The following CHD3 variants were observed in gnomAD, a reference collection of about 807,000 sequenced individuals.
CHD3 encodes ATP-dependent chromatin remodeler CHD3.
A neutral mutation model predicts 248.9 loss-of-function variants in CHD3; 52 were observed. The observed-to-expected ratio is 0.21, with a 90% CI of 0.17 to 0.26. The LOEUF is 0.26. Among genes scored for constraint, CHD3 ranks in the 10% least tolerant of loss-of-function variants. The pLI is 1.00. For missense variants in CHD3, 1,482 were observed against 2,605.8 expected (o/e 0.57, Z 9.39); for synonymous variants, 985 against 985.2 (o/e 1.00, Z 0.00).
rs749042862 is a variant in CHD3 at position 7,911,483 on chromosome 17, A to G, written c.5901A>G (p.Pro1967=). Residue 1967 remains proline, a synonymous_variant, in exon 40 of 40, where the codon CCA becomes CCG. Coordinates refer to ENST00000330494, the MANE Select transcript of CHD3 (RefSeq NM_001005273.3). This position sits in a 1 kb window ranked among gnomAD's most constrained non-coding sequence, Gnocchi z 5.4. ...AAACAGCCGCCACCAACGGCCCTCC[A>G]GTGCTTGTGAAGAAGGAGAAGGAAA... The part of the protein sequence containing the change: ...SFITAATNGP[P]VLVKKEKEMV... 1.4e-5 allele frequency: 22 copies of G among 1,614,040 alleles called. 1 individual carries two copies. Among genetic ancestry groups the G allele is most frequent in the Middle Eastern group, 3.3e-4 (2 of 6,084 alleles).
chr17:7,901,038 A>G lies in CHD3; in HGVS notation c.3120+45A>G, dbSNP rs751571495. ...AGCTGATCGAACGCCCATTCTCAGA[A>G]AACATGGGTGGGGAGTAGTGGGGAG... On this transcript the variant is annotated intron_variant, in intron 19 of 39. Coordinates refer to ENST00000330494, the MANE Select transcript of CHD3 (RefSeq NM_001005273.3). 5.4e-5 allele frequency: 86 copies of G among 1,597,060 alleles called. 2 individuals carry two copies. The South Asian group carries it at 9.3e-4, about 17-fold the overall frequency.
chr17:7,910,928 G>A lies in CHD3; in HGVS notation c.5836G>A (p.Ala1946Thr), dbSNP rs754341443. 36 of 1,613,600 alleles carry A rather than the reference G, an allele frequency of 2.2e-5. No homozygotes were observed. Among genetic ancestry groups the A allele is most frequent in the Middle Eastern group, 1.7e-4 (1 of 6,058 alleles). ...CGCACCCGTAGGGGCCCTGGCCGCCGCAGGCGCCAATTACAGCCAGATGCC... is the reference window on the plus strand; with the variant it reads ...CGCACCCGTAGGGGCCCTGGCCGCCACAGGCGCCAATTACAGCCAGATGCC... Reference protein sequence around the residue: ...SAAPVGALAAAGANYSQMPAG... With the variant: ...SAAPVGALAATGANYSQMPAG... Residue 1946 changes from alanine to threonine, a missense_variant, in exon 39 of 40, where the codon GCA becomes ACA. Ala to Thr is a moderately conservative substitution (Grantham distance 58). Transcript: ENST00000330494. The surrounding 1 kb of genome is among the most constrained non-coding windows in gnomAD (Gnocchi z 4.7).
Position 7,907,350 on chromosome 17 carries a change from CAG to C in CHD3, c.4789-2_4789-1del, listed in dbSNP as rs1465542642. ...TCATCCTGACCCCATTGTCCTCTTC[CAG>C]GCTGATGCCCCCAGCCCAGCCCCAT... On this transcript the variant is annotated splice_acceptor_variant, in intron 31 of 39. Transcript: ENST00000330494. LOFTEE classifies it high-confidence loss of function. The surrounding 1 kb of genome is among the most constrained non-coding windows in gnomAD (Gnocchi z 4.3). The C allele has an allele frequency of 6.2e-7, 1 of 1,605,844 alleles. No homozygotes were observed. Among genetic ancestry groups the C allele is most frequent in the Admixed American group, 1.7e-5 (1 of 59,352 alleles).
In CHD3 at chr17:7,908,052, A is replaced by G. The variant is rs752964342; in HGVS notation, c.5152+33A>G. 1 of 1,570,636 alleles carries G rather than the reference A, an allele frequency of 6.4e-7. No individual in the cohort carries two copies. Among genetic ancestry groups the G allele is most frequent in the South Asian group, 1.2e-5 (1 of 86,390 alleles). On this transcript the variant is annotated intron_variant, in intron 34 of 39. Transcript: ENST00000330494. The surrounding 1 kb of genome is among the most constrained non-coding windows in gnomAD (Gnocchi z 5.8). ...AGACTCTCGCTGCTTTCTGCTCCTC[A>G]AGGGGATCTGCTCATCCTCATGGGG...
At position 7,910,781 on chromosome 17, in the gene CHD3, T is replaced by C. The variant is rs12950420; in HGVS notation, c.5755-66T>C. On this transcript the variant is annotated intron_variant, in intron 38 of 39. Transcript: ENST00000330494. The surrounding 1 kb of genome is among the most constrained non-coding windows in gnomAD (Gnocchi z 4.7). ...TGTGGAGTGTGGCTCATAATGTCTC[T>C]CCTACAGCTTCTTTCCTCTCACAGA... 78,524 of 1,561,534 alleles carry C rather than the reference T, an allele frequency of 0.05. 2,177 individuals are homozygous for C. Among genetic ancestry groups the C allele is most frequent in the Non-Finnish European group, 0.058 (66,539 of 1,156,584 alleles).
chr17:7,886,505 T>C (rs1423277061), upstream of CHD3, among the ~76,000 whole-genome samples: 1 of 152,184 alleles, frequency 6.6e-6, no homozygotes, highest in Non-Finnish European at 1.5e-5. The surrounding 1 kb of genome is among the most constrained non-coding windows in gnomAD (Gnocchi z 4.2). Context: ...CAAACGTTCC[T>C]GTCTAGCCGA....
Position 7,908,788 on chromosome 17 carries a change from T to C in CHD3, c.5353T>C (p.Phe1785Leu). The C allele has an allele frequency of 6.2e-7, 1 of 1,614,154 alleles. No individual in the cohort carries two copies. The highest frequency in any genetic ancestry group is 8.5e-7 in the Non-Finnish European group (1 of 1,180,016). Residue 1785 changes from phenylalanine to leucine, a missense_variant, in exon 36 of 40, where the codon TTT becomes CTT. By Grantham distance (22) the Phe-to-Leu change is conservative. Coordinates refer to ENST00000330494, the MANE Select transcript of CHD3 (RefSeq NM_001005273.3). This position sits in a 1 kb window ranked among gnomAD's most constrained non-coding sequence, Gnocchi z 5.8. ...TAAAACTGAAGCCAATAAGGGGAAC[T>C]TTCTGGAGATGAAAAATAAGTTCCT... is the stretch of plus-strand genomic sequence containing the variant. The part of the protein sequence containing the change: ...PFKTEANKGN[F>L]LEMKNKFLAR...
Position 7,893,832 on chromosome 17 carries a change from G to T in CHD3, c.821G>T (p.Ser274Ile), listed in dbSNP as rs754814641. Residue 274 changes from serine (S) to isoleucine (I), a missense_variant, in exon 6 of 40, where the codon AGC becomes ATC. By Grantham distance (142) the Ser-to-Ile change is moderately radical (BLOSUM62 -2). Coordinates refer to ENST00000330494, the MANE Select transcript of CHD3 (RefSeq NM_001005273.3). ...KGPGHKRRSKSPRVPDGRKKL... is the reference protein window; with the variant it reads ...KGPGHKRRSKIPRVPDGRKKL... The stretch of plus-strand genomic sequence containing the variant: ...CCAGGCCATAAGAGGCGGAGTAAGA[G>T]CCCCCGAGTGCCTGATGGACGCAAG... 3 of 1,614,110 alleles carry T rather than the reference G, an allele frequency of 1.9e-6. No individual in the cohort carries two copies. The highest frequency in any genetic ancestry group is 4.5e-5 in the East Asian group (2 of 44,876).
At chr17:7,886,537 G>A (rs1197191146), upstream of CHD3, among the ~76,000 whole-genome samples, 2 of 152,212 alleles carry the variant, frequency 1.3e-5, no homozygotes, top group Admixed American at 6.5e-5. The surrounding 1 kb of genome is among the most constrained non-coding windows in gnomAD (Gnocchi z 4.2). Context: ...GGGGAGCGGG[G>A]GGTGCTTTCT....
Position 7,906,725 on chromosome 17 carries a change from T to C in CHD3, c.4503+28T>C. ...ATCAGTCTTCCTGTCACCCAAAGAA[T>C]CAAGCTGGCTGCCTAGTCTCTGTCC... On this transcript the variant is annotated intron_variant, in intron 29 of 39. Transcript: ENST00000330494. The surrounding 1 kb of genome is among the most constrained non-coding windows in gnomAD (Gnocchi z 5.0). 3 of 1,587,920 alleles carry C rather than the reference T, an allele frequency of 1.9e-6. No homozygotes were observed. Among genetic ancestry groups the C allele is most frequent in the Non-Finnish European group, 8.6e-7 (1 of 1,165,674 alleles).
rs748769546 is a variant in CHD3, at chr17:7,900,604, G to C, written c.2851G>C (p.Asp951His). 6.2e-7 allele frequency: 1 copy of C among 1,614,056 alleles called. No individual in the cohort carries two copies. Reference protein sequence around the residue: ...LEEFADISKEDQIKKLHDLLG... With the variant: ...LEEFADISKEHQIKKLHDLLG... ...GGAGTTTGCTGACATATCCAAAGAG[G>C]ACCAGATCAAGAAACTGCATGATTT... is the stretch of plus-strand genomic sequence containing the variant. Residue 951 changes from aspartate to histidine, a missense_variant, in exon 18 of 40, where the codon GAC (aspartate) becomes CAC (histidine). Coordinates refer to ENST00000330494, the MANE Select transcript of CHD3 (RefSeq NM_001005273.3). This position sits in a 1 kb window ranked among gnomAD's most constrained non-coding sequence, Gnocchi z 6.5.
Position 7,889,679 on chromosome 17 carries a change from G to A in CHD3, c.116G>A (p.Arg39Gln), listed in dbSNP as rs1230604252. Residue 39 changes from arginine to glutamine, a missense_variant, in exon 2 of 40, where the codon CGG becomes CAG. Arg to Gln is a conservative substitution (Grantham distance 43). Coordinates refer to ENST00000330494, the MANE Select transcript of CHD3 (RefSeq NM_001005273.3). This position sits in a 1 kb window ranked among gnomAD's most constrained non-coding sequence, Gnocchi z 4.5. ...GDRMPDKDDI[R>Q]LLPSALGVKK... is the part of the protein sequence containing the mutation. Reference sequence around the variant, plus strand: ...TGCTTCAAAGATAAGGATGACATTCGGCTGCTGCCGTCAGCATTGGGTGTG... The same window carrying A: ...TGCTTCAAAGATAAGGATGACATTCAGCTGCTGCCGTCAGCATTGGGTGTG... 6.2e-6 allele frequency: 10 copies of A among 1,612,580 alleles called. No individual in the cohort carries two copies. Among genetic ancestry groups the A allele is most frequent in the East Asian group, 4.5e-5 (2 of 44,882 alleles).
At position 7,911,632 on chromosome 17, in the gene CHD3, A is replaced by G; in HGVS notation, c.*47A>G. On this transcript the variant is annotated 3_prime_UTR_variant, in exon 40 of 40. Transcript: ENST00000330494. This position sits in a 1 kb window ranked among gnomAD's most constrained non-coding sequence, Gnocchi z 5.4. The stretch of plus-strand genomic sequence containing the variant: ...CACCCAGGCCCCGTCCCCGAGGCCG[A>G]CCCCCAGCTCAAGCGCTGGGGCCTG... 6.2e-7 allele frequency: 1 copy of G among 1,611,840 alleles called. No individual in the cohort carries two copies. Among genetic ancestry groups the G allele is most frequent in the African/African-American group, 1.3e-5 (1 of 74,782 alleles).
At position 7,906,217 on chromosome 17, in the gene CHD3, G is replaced by A. The variant is rs752699052; in HGVS notation, c.4358+228G>A. On this transcript the variant is annotated intron_variant, in intron 28 of 39. Coordinates refer to ENST00000330494, the MANE Select transcript of CHD3 (RefSeq NM_001005273.3). The surrounding 1 kb of genome is among the most constrained non-coding windows in gnomAD (Gnocchi z 5.0). The stretch of plus-strand genomic sequence containing the variant: ...CAGGCATCCTCCCCAGGGGAGGGGC[G>A]TTGAAGCAAGGAGCCTCTCCTGGGC... 93 of 782,934 alleles carry A rather than the reference G, an allele frequency of 1.2e-4. No individual in the cohort carries two copies. The highest frequency in any genetic ancestry group is 1.1e-3 in the East Asian group (46 of 40,560). 48.5% of individuals were successfully genotyped at this position (782,934 alleles called of 1,614,324 possible).
upstream of CHD3, chr17:7,884,888 G>A (rs1273206380): frequency 7.3e-7 from 1 of 1,373,236 alleles, no homozygotes; most frequent in Non-Finnish European, 9.7e-7. Flanking sequence ...GGAAGAAGAG[G>A]GCGACGAGGA....
intron 4 of CHD3, 90 bp downstream of exon 4, chr17:7,891,154 C>A: frequency 6.8e-7 from 1 of 1,460,262 alleles, no homozygotes; most frequent in Non-Finnish European, 9.5e-7. Flanking sequence ...AGCTATGAAA[C>A]TGCTCTCCAG....
chr17:7,911,069 A>C lies in CHD3; in HGVS notation c.5881+96A>C. 1 of 1,529,336 alleles carries C rather than the reference A, an allele frequency of 6.5e-7. No individual in the cohort carries two copies. Among genetic ancestry groups the C allele is most frequent in the Non-Finnish European group, 8.9e-7 (1 of 1,118,640 alleles). The allele number at this position is 1,529,336 out of a possible 1,614,324, so 94.7% of individuals were successfully genotyped here. A position where few individuals can be genotyped will look rare whatever the true frequency, so the allele number is the denominator to read the frequency against. On this transcript the variant is annotated intron_variant, in intron 39 of 39. Transcript: ENST00000330494. This position sits in a 1 kb window ranked among gnomAD's most constrained non-coding sequence, Gnocchi z 5.4. The stretch of plus-strand genomic sequence containing the variant: ...CCCTTTAACTGCTCTAGTCCATCTC[A>C]TTTCCTTGGTGGTATCCGGTGTTTT...
In CHD3 at chr17:7,911,886, C is replaced by A; in HGVS notation, c.*301C>A. 1.8e-6 allele frequency: 1 copy of A among 568,634 alleles called. No individual in the cohort carries two copies. Among genetic ancestry groups the A allele is most frequent in the South Asian group, 1.8e-5 (1 of 55,358 alleles). The allele number at this position is 568,634 out of a possible 1,614,324, so 35.2% of individuals were successfully genotyped here. On this transcript the variant is annotated 3_prime_UTR_variant, in exon 40 of 40. Transcript: ENST00000330494. This position sits in a 1 kb window ranked among gnomAD's most constrained non-coding sequence, Gnocchi z 5.4. ...CCACACTGCCAAGTATACACAACTTCCCAGTAAATGGTTGTGGGGAGGAAA... is the reference window on the plus strand; with the variant it reads ...CCACACTGCCAAGTATACACAACTTACCAGTAAATGGTTGTGGGGAGGAAA...
chr17:7,907,845 GGGA>G lies in CHD3; in HGVS notation c.5027-43_5027-41del, dbSNP rs1971183950. On this transcript the variant is annotated intron_variant, in intron 33 of 39. Transcript: ENST00000330494. This position sits in a 1 kb window ranked among gnomAD's most constrained non-coding sequence, Gnocchi z 4.3. ...AGTACAGATAGTAGTCTTGGGACCT[GGGA>G]GGAGGGTGTCCTGAGGTGTGAGCTT... is the stretch of plus-strand genomic sequence containing the variant. 1 of 1,584,798 alleles carries G rather than the reference GGGA, an allele frequency of 6.3e-7. No individual in the cohort carries two copies. The highest frequency in any genetic ancestry group is 1.4e-5 in the African/African-American group (1 of 73,838).
Sources: allele counts gnomAD v4.1 joint callset (sites outside exome capture counted in the v4.1 genomes callset), GRCh38; gene constraint gnomAD v4.1.1; non-coding constraint Gnocchi (gnomAD v3.1); transcripts MANE v1.5; gene names NCBI Gene and HGNC (gene_info 2026-07-23, HGNC 2026-07-21).